The following TACR3 variants were observed in gnomAD, a reference collection of about 807,000 sequenced individuals.
TACR3 encodes tachykinin receptor 3, also known as neuromedin-K receptor.
Under a neutral mutation model 35.0 loss-of-function variants are expected in TACR3, and 34 were observed. The ratio of observed to expected loss-of-function variants is 0.97; its 90% CI spans 0.74 to 1.30. The LOEUF (loss-of-function observed/expected upper bound fraction) is 1.30. Ranked by LOEUF, TACR3 falls within the 50% of genes most tolerant of loss-of-function variation. TACR3 has a pLI of 0.00. For synonymous variants in TACR3, 233 were observed against 221.1 expected, an observed-to-expected ratio of 1.05 and a Z score of -0.48; for missense variants, 558 against 591.7, an observed-to-expected ratio of 0.94 and a Z score of 0.59.
chr4:103,635,134 TA>T (rs1725158409), intron 3 of TACR3, among the ~76,000 whole-genome samples: 1 of 152,130 alleles, frequency 6.6e-6, no homozygotes, highest in East Asian at 1.9e-4. Context: ...ATATGAGTAA[TA>T]GAGACAAAAC....
intron 1 of TACR3, among the ~76,000 whole-genome samples, chr4:103,700,858 T>C (rs1472615509): frequency 9.9e-5 from 15 of 152,146 alleles, no homozygotes; most frequent in Admixed American, 9.2e-4. Flanking sequence ...CAACGCTTCA[T>C]GCTAAAAACT....
At position 103,691,872 on chromosome 4, in the gene TACR3, G is replaced by A. The variant is rs116578372; in HGVS notation, c.548+27256C>T. On this transcript the variant is annotated intron_variant, in intron 1 of 4. Coordinates refer to ENST00000304883, the MANE Select transcript of TACR3 (RefSeq NM_001059.3). ...GTCCATCCCTTCGTTTCCCATAAGGGACAGTTTTAATTAATTGAATATCTA... is the reference window on the plus strand; with the variant it reads ...GTCCATCCCTTCGTTTCCCATAAGGAACAGTTTTAATTAATTGAATATCTA... Among the ~76,000 whole-genome samples the A allele has an allele frequency of 4.6e-3, 702 of 152,240 alleles. 7 individuals carry two copies. The highest frequency in any genetic ancestry group is 0.016 in the African/African-American group (661 of 41,560).
chr4:103,664,549 T>C (rs1725898315), intron 1 of TACR3, among the ~76,000 whole-genome samples: 1 of 152,184 alleles, frequency 6.6e-6, no homozygotes, highest in Admixed American at 6.5e-5. Flanking sequence ...TTCCAATCAA[T>C]TTGCTCCTGG....
chr4:103,597,705 T>G (rs1724069203), intron 3 of TACR3, among the ~76,000 whole-genome samples: 1 of 151,972 alleles, frequency 6.6e-6, no homozygotes. Context: ...ACATGCAGTT[T>G]GGTTTTTTGT....
intron 1 of TACR3, among the ~76,000 whole-genome samples, chr4:103,687,581 C>G (rs1722279913): frequency 6.6e-6 from 1 of 152,026 alleles, no homozygotes; most frequent in African/African-American, 2.4e-5. Flanking sequence ...ACAAAAATCA[C>G]AAGCATTCTT....
intron 4 of TACR3, among the ~76,000 whole-genome samples, chr4:103,590,559 G>A (rs1468233648): frequency 6.6e-6 from 1 of 150,432 alleles, no homozygotes. Context: ...CTTGTGGGGT[G>A]TCAGGAATTG....
chr4:103,621,674 G>C (rs1277092729), intron 3 of TACR3, among the ~76,000 whole-genome samples: 1 of 152,122 alleles, frequency 6.6e-6, no homozygotes, highest in African/African-American at 2.4e-5. Flanking sequence ...CAGATTTTTT[G>C]TCTGGACCAC....
intron 3 of TACR3, 114 bp downstream of exon 3, chr4:103,656,080 A>AAAAC: frequency 9.7e-6 from 13 of 1,333,678 alleles, no homozygotes; most frequent in Non-Finnish European, 1.4e-5. Flanking sequence ...AAAGACATTA[A>AAAAC]AAACAGGAGT....
intron 3 of TACR3, among the ~76,000 whole-genome samples, chr4:103,604,621 T>C (rs1464248319): frequency 6.6e-6 from 1 of 151,834 alleles, no homozygotes; most frequent in Non-Finnish European, 1.5e-5. Flanking sequence ...AATGGGAGAA[T>C]TTTTTTGCAA....
intron 3 of TACR3, among the ~76,000 whole-genome samples, chr4:103,609,572 A>G (rs57075860): frequency 0.018 from 2,743 of 152,222 alleles, 84 homozygotes; most frequent in African/African-American, 0.063. Context: ...TAAACAGAAT[A>G]CTTATCTCAA....
intron 1 of TACR3, among the ~76,000 whole-genome samples, chr4:103,701,221 G>A (rs1456810641): frequency 6.6e-6 from 1 of 152,028 alleles, no homozygotes; most frequent in African/African-American, 2.4e-5. Context: ...CAAAATCAAT[G>A]TACAAAAATC....
At chr4:103,627,505 T>C (rs942879921) in intron 3 of TACR3, among the ~76,000 whole-genome samples, 6 of 151,586 alleles carry the variant, frequency 4.0e-5, no homozygotes, top group African/African-American at 1.5e-4. Context: ...GCCTGGGCGA[T>C]AGAGCAAGAC....
At chr4:103,619,189 G>A (rs545395490) in intron 3 of TACR3, among the ~76,000 whole-genome samples, 17 of 151,924 alleles carry the variant, frequency 1.1e-4, no homozygotes, top group Non-Finnish European at 2.4e-4. Flanking sequence ...GAGAGATAGC[G>A]TGACTTCCTA....
intron 3 of TACR3, among the ~76,000 whole-genome samples, chr4:103,652,459 G>C (rs2110327332): frequency 6.6e-6 from 1 of 152,228 alleles, no homozygotes; most frequent in Non-Finnish European, 1.5e-5. Flanking sequence ...ATGGGATGGG[G>C]TGTCACTGGC....
intron 3 of TACR3, among the ~76,000 whole-genome samples, chr4:103,603,107 C>T (rs1044078138): frequency 6.6e-6 from 1 of 152,224 alleles, no homozygotes; most frequent in Non-Finnish European, 1.5e-5. Flanking sequence ...AGGTGCCCCT[C>T]CCCCAGCCTC....
intron 3 of TACR3, among the ~76,000 whole-genome samples, chr4:103,605,739 A>C (rs1004208714): frequency 2.0e-5 from 3 of 151,262 alleles, no homozygotes; most frequent in South Asian, 4.2e-4. Flanking sequence ...TTGTCAGATG[A>C]GTAGGTTGTG....
At chr4:103,717,207 A>G (rs933724772) in intron 1 of TACR3, among the ~76,000 whole-genome samples, 1 of 152,074 alleles carries the variant, frequency 6.6e-6, no homozygotes, top group African/African-American at 2.4e-5. Context: ...ACTATTTTAA[A>G]CAAGATTTCT....
Position 103,587,569 on chromosome 4 carries a change from A to C in TACR3, c.*2113T>G, listed in dbSNP as rs189773286. 3.4e-4 allele frequency: 52 copies of C among 152,260 alleles called. 1 individual carries two copies. The East Asian group carries it at 9.4e-3, about 28-fold the overall frequency. The allele number at this position is 152,260 out of a possible 1,614,324, so 9.4% of individuals were successfully genotyped here. A position where few individuals can be genotyped will look rare whatever the true frequency, so the allele number is the denominator to read the frequency against. Reference sequence around the variant, plus strand: ...GTGAGGGCCAGGAGTTATATTTTTCAAATGTATGATACTTTGGTAGTGGCT... The same window carrying C: ...GTGAGGGCCAGGAGTTATATTTTTCCAATGTATGATACTTTGGTAGTGGCT... On this transcript the variant is annotated 3_prime_UTR_variant, in exon 5 of 5. Transcript: ENST00000304883.
At chr4:103,595,740 C>A (rs1272348568) in intron 3 of TACR3, among the ~76,000 whole-genome samples, 2 of 151,146 alleles carry the variant, frequency 1.3e-5, no homozygotes, top group Admixed American at 6.6e-5. Flanking sequence ...GCAATATTAT[C>A]TTCTAATTAT....
Sources: allele counts gnomAD v4.1 joint callset (sites outside exome capture counted in the v4.1 genomes callset), GRCh38; gene constraint gnomAD v4.1.1; transcripts MANE v1.5; gene names NCBI Gene and HGNC (gene_info 2026-07-23, HGNC 2026-07-21).